The following DAP variants were observed in gnomAD, a reference collection of about 807,000 sequenced individuals.
DAP encodes the protein death-associated protein 1.
In DAP, 8 loss-of-function variants were observed where a neutral mutation model predicts 13.8. The observed-to-expected ratio is 0.58, with a 90% confidence interval of 0.34 to 1.05. The LOEUF (loss-of-function observed/expected upper bound fraction) is 1.05, where lower values mean the gene tolerates loss of function less well. Ranked by LOEUF, DAP falls within the 50% of genes least tolerant of loss-of-function variation. DAP has a pLI of 0.03. For missense variants in DAP, 106 were observed against 133.2 expected (o/e 0.80, Z 1.01); for synonymous variants, 47 against 47.5 (o/e 0.99, Z 0.04).
At chr5:10,752,141 C>T (rs1402742486) in intron 1 of DAP, among the ~76,000 whole-genome samples, 2 of 152,240 alleles carry the variant, frequency 1.3e-5, no homozygotes, top group Non-Finnish European at 2.9e-5. Flanking sequence ...TGCAGGGCAG[C>T]CTGTCCGCTC....
Position 10,689,783 on chromosome 5 carries a change from C to T in DAP, c.153-6212G>A, listed in dbSNP as rs575327325. ...GATGGCAAGACTGAGGGTCTGATGC[C>T]GCAGTCAAAGGGACTCACTCAGGAT... On this transcript the variant is annotated intron_variant, in intron 2 of 3. Transcript: ENST00000230895. Among the ~76,000 whole-genome samples the T allele has an allele frequency of 1.4e-4, 21 of 152,126 alleles. No homozygotes were observed. In the South Asian group the frequency reaches 1.7e-3, roughly 12 times the overall value.
intron 2 of DAP, among the ~76,000 whole-genome samples, chr5:10,703,239 T>C (rs1738623522): frequency 6.6e-6 from 1 of 152,198 alleles, no homozygotes; most frequent in Admixed American, 6.5e-5. Flanking sequence ...CAGTAAGATG[T>C]TTTTCCCTTT....
Position 10,761,131 on chromosome 5 carries a change from G to A in DAP, c.-63C>T. 2.0e-6 allele frequency: 2 copies of A among 996,966 alleles called. No individual in the cohort carries two copies. Among genetic ancestry groups the A allele is most frequent in the Non-Finnish European group, 2.6e-6 (2 of 781,786 alleles). The allele number at this position is 996,966 out of a possible 1,614,324, so 61.8% of individuals were successfully genotyped here. ...CGGTTCTCGGGCCGGGCGGGCGTGC[G>A]CGAGTGAGCTCAGGTGTGAGCGCCG... On this transcript the variant is annotated 5_prime_UTR_variant, in exon 1 of 4. Coordinates refer to ENST00000230895, the MANE Select transcript of DAP (RefSeq NM_004394.3).
intron 2 of DAP, among the ~76,000 whole-genome samples, chr5:10,741,936 GT>G (rs1739766497): frequency 6.6e-6 from 1 of 152,156 alleles, no homozygotes; most frequent in South Asian, 2.1e-4. Flanking sequence ...TTTTCATTTT[GT>G]TTTGTAATTA....
chr5:10,739,761 G>A (rs369960861), intron 2 of DAP, among the ~76,000 whole-genome samples: 9 of 149,080 alleles, frequency 6.0e-5, no homozygotes, highest in Admixed American at 4.1e-4. Flanking sequence ...GCCCAGGCCC[G>A]GTTCAACTAT....
chr5:10,733,451 T>C (rs1739524380), intron 2 of DAP, among the ~76,000 whole-genome samples: 1 of 152,220 alleles, frequency 6.6e-6, no homozygotes, highest in South Asian at 2.1e-4. Context: ...CTTCTGGATC[T>C]TTAGCAAAAT....
chr5:10,741,034 T>C (rs939268037), intron 2 of DAP, among the ~76,000 whole-genome samples: 1 of 152,224 alleles, frequency 6.6e-6, no homozygotes, highest in African/African-American at 2.4e-5. Context: ...AGTCTATGTT[T>C]AGTGATGTCA....
In DAP at chr5:10,681,127, G is replaced by A. The variant is rs1210693105; in HGVS notation, c.238C>T (p.Gln80Ter). 6.4e-7 allele frequency: 1 copy of A among 1,553,050 alleles called. No individual in the cohort carries two copies. The highest frequency in any genetic ancestry group is 2.0e-5 in the Admixed American group (1 of 49,900). Reference sequence around the variant, plus strand: ...TTGTCCATGGAGGCATGCGGCTTCTGGTGAGCCACCTGCGCAGCCGCCGGG... The same window carrying A: ...TTGTCCATGGAGGCATGCGGCTTCTAGTGAGCCACCTGCGCAGCCGCCGGG... ...FPPAAAQVAH[Q>*]KPHASMDKHP... Residue 80 changes from glutamine to a stop codon, truncating the protein, a stop_gained, in exon 4 of 4, where the codon CAG becomes TAG. Transcript: ENST00000230895. LOFTEE classifies it high-confidence loss of function.
chr5:10,719,560 G>A (rs2126657632), intron 2 of DAP, among the ~76,000 whole-genome samples: 1 of 152,322 alleles, frequency 6.6e-6, no homozygotes, highest in East Asian at 1.9e-4. Context: ...CTGAACATTT[G>A]ACTATGGGTC....
chr5:10,702,113 C>CA (rs1738594497), intron 2 of DAP, among the ~76,000 whole-genome samples: 1 of 152,228 alleles, frequency 6.6e-6, no homozygotes, highest in African/African-American at 2.4e-5. Context: ...TAGGCTTCTG[C>CA]ACGCATGGCT....
At chr5:10,726,883 CA>C (rs904803943) in intron 2 of DAP, among the ~76,000 whole-genome samples, 2 of 152,142 alleles carry the variant, frequency 1.3e-5, no homozygotes, top group Non-Finnish European at 2.9e-5. Flanking sequence ...AGTGATGTGA[CA>C]TGGTGAGGGC....
rs1202508234 is a variant in DAP at position 10,680,816 on chromosome 5, G to A, written c.*240C>T. ...CGGATCTTGGCAAATTCTGCTAATG[G>A]CACCTCTAGGGGCACAATGATCCTC... On this transcript the variant is annotated 3_prime_UTR_variant, in exon 4 of 4. Coordinates refer to ENST00000230895, the MANE Select transcript of DAP (RefSeq NM_004394.3). 1.4e-5 allele frequency: 21 copies of A among 1,536,818 alleles called. 1 individual carries two copies. In the South Asian group the frequency reaches 2.5e-4, roughly 18 times the overall value.
intron 2 of DAP, among the ~76,000 whole-genome samples, chr5:10,713,532 G>C (rs1238983897): frequency 6.6e-6 from 1 of 152,190 alleles, no homozygotes; most frequent in Non-Finnish European, 1.5e-5. Context: ...ATCTGACAGG[G>C]GTTACTGTTT....
At chr5:10,750,904 T>C (rs897935704) in intron 1 of DAP, among the ~76,000 whole-genome samples, 12 of 152,180 alleles carry the variant, frequency 7.9e-5, no homozygotes, top group Admixed American at 3.9e-4. Context: ...GCCAGGAGTA[T>C]AGGTGTCTGA....
intron 2 of DAP, among the ~76,000 whole-genome samples, chr5:10,694,394 ACACACACACACACACG>A (rs1334555177): frequency 6.6e-6 from 1 of 151,904 alleles, no homozygotes; most frequent in Non-Finnish European, 1.5e-5. Context: ...GCATACACAC[ACACACACACACACACG>A]CACATACACA....
chr5:10,759,539 C>A (rs1406986421), intron 1 of DAP, among the ~76,000 whole-genome samples: 15 of 152,168 alleles, frequency 9.9e-5, no homozygotes, highest in Admixed American at 9.8e-4. Flanking sequence ...TTTCTAAAAC[C>A]CCATGCCTCT....
At chr5:10,742,758 G>A (rs533778309) in intron 2 of DAP, among the ~76,000 whole-genome samples, 1 of 152,100 alleles carries the variant, frequency 6.6e-6, no homozygotes, top group Non-Finnish European at 1.5e-5. Flanking sequence ...CCTCTGACTG[G>A]GGAATGGTGT....
intron 3 of DAP, among the ~76,000 whole-genome samples, chr5:10,681,492 T>C (rs1202133252): frequency 7.1e-6 from 1 of 140,626 alleles, no homozygotes; most frequent in African/African-American, 2.7e-5. Context: ...CCCATCAACG[T>C]CCCTGCAGGA....
chr5:10,698,792 CTT>C (rs1474452856), intron 2 of DAP, among the ~76,000 whole-genome samples: 3 of 152,144 alleles, frequency 2.0e-5, no homozygotes, highest in African/African-American at 7.2e-5. Context: ...AGGAAAGAGA[CTT>C]TATTCCAGTG....
Sources: gnomAD v4.1 joint callset for allele counts (sites outside exome capture counted in the v4.1 genomes callset) on GRCh38, gnomAD v4.1.1 for gene constraint, MANE v1.5 for transcripts, NCBI Gene and HGNC (gene_info 2026-07-23, HGNC 2026-07-21) for gene names.